Variants in HDLBP observed in about 807,000 individuals in gnomAD.
The protein encoded by HDLBP is vigilin.
HDLBP carries 30 observed loss-of-function variants against 137.3 expected under a neutral mutation model. The ratio of observed to expected loss-of-function variants is 0.22; its 90% confidence interval spans 0.16 to 0.30. The LOEUF (loss-of-function observed/expected upper bound fraction) is 0.30. Among genes scored for constraint, HDLBP ranks in the 10% least tolerant of loss-of-function variants. HDLBP has a pLI of 1.00. For missense variants in HDLBP, 1,119 were observed against 1,667.3 expected (o/e 0.67, Z 5.73); for synonymous variants, 606 against 596.0 (o/e 1.02, Z -0.24).
At chr2:241,287,293 T>C (rs2074851083) in intron 1 of HDLBP, among the ~76,000 whole-genome samples, 1 of 152,096 alleles carries the variant, frequency 6.6e-6, no homozygotes. Flanking sequence ...GTATTCTTAG[T>C]AGACACAGGG....
At position 241,268,516 on chromosome 2, in the gene HDLBP, C is replaced by T. The variant is rs1263961478; in HGVS notation, c.-77G>A. The stretch of plus-strand genomic sequence containing the variant: ...GTAGCCAGAAGGTCCGTCCTGAGGC[C>T]GCCTCTGTCAGCCTGCCAGCTTTTG... On this transcript the variant is annotated 5_prime_UTR_variant, in exon 2 of 28. Transcript: ENST00000310931. 14 of 985,618 alleles carry T rather than the reference C, an allele frequency of 1.4e-5. No homozygotes were observed. The highest frequency in any genetic ancestry group is 4.7e-5 in the South Asian group (1 of 21,288). 61.1% of individuals were successfully genotyped at this position (985,618 alleles called of 1,614,324 possible).
chr2:241,259,093 G>C (rs1559514341), intron 5 of HDLBP, among the ~76,000 whole-genome samples: 1 of 152,008 alleles, frequency 6.6e-6, no homozygotes, highest in Non-Finnish European at 1.5e-5. Flanking sequence ...GGAAAGCCTG[G>C]GTAAATTACA....
At chr2:241,284,861 ATT>A (rs1482867922) in intron 1 of HDLBP, among the ~76,000 whole-genome samples, 18 of 152,186 alleles carry the variant, frequency 1.2e-4, no homozygotes, top group Admixed American at 5.2e-4. Context: ...GATCATGAGC[ATT>A]TTTTAACCAA....
Position 241,272,334 on chromosome 2 carries a change from A to AGGGCC in HDLBP, c.-102-3798_-102-3794dup. ...CGCCCCCGCCGGAGCGGGGGAGGGGAGGGCCGGCCCCGCCAACGTCAGCGA... is the reference window on the plus strand; with the variant it reads ...CGCCCCCGCCGGAGCGGGGGAGGGGAGGGCCGGGCCGGCCCCGCCAACGTCAGCGA... On this transcript the variant is annotated intron_variant, in intron 1 of 27. Coordinates refer to ENST00000310931, the MANE Select transcript of HDLBP (RefSeq NM_005336.6). This position sits in a 1 kb window ranked among gnomAD's most constrained non-coding sequence, Gnocchi z 5.6. 1.0e-6 allele frequency: 1 copy of AGGGCC among 980,110 alleles called. No homozygotes were observed. Among genetic ancestry groups the AGGGCC allele is most frequent in the Non-Finnish European group, 1.2e-6 (1 of 827,672 alleles). 60.7% of individuals were successfully genotyped at this position (980,110 alleles called of 1,614,324 possible).
chr2:241,312,220 TAAC>T (rs575013825), intron 1 of HDLBP, among the ~76,000 whole-genome samples: 33 of 152,296 alleles, frequency 2.2e-4, no homozygotes, highest in African/African-American at 6.5e-4. Flanking sequence ...CTTACCAAAT[TAAC>T]AACAAGTATC....
At position 241,233,832 on chromosome 2, in the gene HDLBP, G is replaced by C. The variant is rs2230359; in HGVS notation, c.3276C>G (p.Asp1092Glu). The C allele has an allele frequency of 6.2e-7, 1 of 1,614,048 alleles. No homozygotes were observed. The highest frequency in any genetic ancestry group is 8.5e-7 in the Non-Finnish European group (1 of 1,180,032). ...CCGAGGCTCTCACCTGGTTCCCATC[G>C]TCCTTATCAGGAAACTGGATGTTCA... ...HDVNIQFPDK[D>E]DGNQPQDQIT... Residue 1092 changes from aspartate (D) to glutamate (E), a missense_variant, in exon 24 of 28, where the codon GAC (aspartate) becomes GAG (glutamate). This residue lies in a region of HDLBP where 618 missense variants were observed against 816.7 expected (regional missense o/e 0.76). Coordinates refer to ENST00000310931, the MANE Select transcript of HDLBP (RefSeq NM_005336.6). This position sits in a 1 kb window ranked among gnomAD's most constrained non-coding sequence, Gnocchi z 4.3.
At chr2:241,260,795 G>A (rs911333260) in intron 5 of HDLBP, among the ~76,000 whole-genome samples, 1 of 151,950 alleles carries the variant, frequency 6.6e-6, no homozygotes, top group Admixed American at 6.6e-5. Context: ...GCTGACTGTG[G>A]AAGTAACCAA....
At chr2:241,306,005 C>T (rs893076849) in intron 1 of HDLBP, among the ~76,000 whole-genome samples, 6 of 152,034 alleles carry the variant, frequency 3.9e-5, no homozygotes, top group Admixed American at 1.3e-4. Flanking sequence ...CGTGATCCAC[C>T]CACCTCAGCC....
At chr2:241,309,257 C>T (rs1193746940) in intron 1 of HDLBP, among the ~76,000 whole-genome samples, 2 of 152,116 alleles carry the variant, frequency 1.3e-5, no homozygotes, top group Non-Finnish European at 2.9e-5. Context: ...TGCCTGACAC[C>T]GCTTACCAAA....
intron 1 of HDLBP, among the ~76,000 whole-genome samples, chr2:241,301,187 T>C (rs994061289): frequency 2.7e-5 from 4 of 150,000 alleles, no homozygotes; most frequent in African/African-American, 7.4e-5. Context: ...CGGGGCTTCA[T>C]CGTGTTAGCC....
intron 1 of HDLBP, among the ~76,000 whole-genome samples, chr2:241,288,079 G>C (rs1329628675): frequency 1.3e-5 from 2 of 152,166 alleles, no homozygotes; most frequent in Non-Finnish European, 2.9e-5. Flanking sequence ...TATTATATGA[G>C]GCTCTTTACT....
chr2:241,234,268 GC>G (rs962970474), intron 23 of HDLBP, among the ~76,000 whole-genome samples: 3 of 152,162 alleles, frequency 2.0e-5, no homozygotes, highest in African/African-American at 4.8e-5. Flanking sequence ...CGAGCTTGGG[GC>G]CCCGCTCTCC....
chr2:241,229,578 G>A lies in HDLBP; in HGVS notation c.*23C>T. 6.3e-7 allele frequency: 1 copy of A among 1,578,228 alleles called. No homozygotes were observed. The highest frequency in any genetic ancestry group is 8.7e-7 in the Non-Finnish European group (1 of 1,148,270). On this transcript the variant is annotated 3_prime_UTR_variant, in exon 28 of 28. Transcript: ENST00000310931. Reference sequence around the variant, plus strand: ...GTTGGGTTTGGGTCAGCAGGCTGGAGAGGGTTCTGTTCTTTTTGATCATTA... The same window carrying A: ...GTTGGGTTTGGGTCAGCAGGCTGGAAAGGGTTCTGTTCTTTTTGATCATTA...
intron 1 of HDLBP, among the ~76,000 whole-genome samples, chr2:241,287,420 CTTTTTTTT>C (rs57462994): frequency 7.4e-5 from 10 of 135,372 alleles, no homozygotes; most frequent in African/African-American, 2.5e-4. Context: ...TTCTTTCTTT[CTTTTTTTT>C]TTTTTTTTCT....
intron 16 of HDLBP, among the ~76,000 whole-genome samples, chr2:241,244,259 G>A (rs1470602388): frequency 2.0e-5 from 3 of 152,096 alleles, no homozygotes; most frequent in South Asian, 2.1e-4. Flanking sequence ...AGTCCCTGAC[G>A]GGGAGACAGC....
intron 1 of HDLBP, chr2:241,302,513 A>C (rs565631924): frequency 6.6e-6 from 1 of 152,408 alleles, no homozygotes; most frequent in African/African-American, 2.4e-5. Context: ...ACTGCACTCC[A>C]GCCTGGGCGA....
At position 241,272,439 on chromosome 2, in the gene HDLBP, G is replaced by A. The variant is rs1339802404; in HGVS notation, c.-102-3898C>T. The A allele has an allele frequency of 1.0e-6, 1 of 984,464 alleles. No homozygotes were observed. The highest frequency in any genetic ancestry group is 1.2e-6 in the Non-Finnish European group (1 of 829,654). 61.0% of individuals were successfully genotyped at this position (984,464 alleles called of 1,614,324 possible). A position where few individuals can be genotyped will look rare whatever the true frequency, so the allele number is the denominator to read the frequency against. Reference sequence around the variant, plus strand: ...CCCCACCGAAGCCCCGGGAGGAGGCGGGGGAGCCCAGCTTGCAGCCAAGAG... The same window carrying A: ...CCCCACCGAAGCCCCGGGAGGAGGCAGGGGAGCCCAGCTTGCAGCCAAGAG... On this transcript the variant is annotated intron_variant, in intron 1 of 27. Transcript: ENST00000310931. The surrounding 1 kb of genome is among the most constrained non-coding windows in gnomAD (Gnocchi z 5.6).
At position 241,272,571 on chromosome 2, in the gene HDLBP, C is replaced by T; in HGVS notation, c.-102-4030G>A. On this transcript the variant is annotated intron_variant, in intron 1 of 27. Transcript: ENST00000310931. The surrounding 1 kb of genome is among the most constrained non-coding windows in gnomAD (Gnocchi z 5.6). The stretch of plus-strand genomic sequence containing the variant: ...CGGCCCCAGGTCTGGCCCGGAACCG[C>T]CACGCGCGGTAAGCAGGACACCCGC... 1 of 984,454 alleles carries T rather than the reference C, an allele frequency of 1.0e-6. No individual in the cohort carries two copies. Among genetic ancestry groups the T allele is most frequent in the Non-Finnish European group, 1.2e-6 (1 of 829,558 alleles). The allele number at this position is 984,454 out of a possible 1,614,324, so 61.0% of individuals were successfully genotyped here. A position where few individuals can be genotyped will look rare whatever the true frequency, so the allele number is the denominator to read the frequency against.
At chr2:241,287,334 CT>C (rs1357070786) in intron 1 of HDLBP, among the ~76,000 whole-genome samples, 1 of 151,882 alleles carries the variant, frequency 6.6e-6, no homozygotes, top group Non-Finnish European at 1.5e-5. Flanking sequence ...TGGTCTCAAA[CT>C]TCTGACACCG....
Sources: allele counts gnomAD v4.1 joint callset (sites outside exome capture counted in the v4.1 genomes callset), GRCh38; gene constraint gnomAD v4.1.1; regional missense constraint gnomAD v4.1.1; non-coding constraint Gnocchi (gnomAD v3.1); transcripts MANE v1.5; gene names NCBI Gene and HGNC (gene_info 2026-07-23, HGNC 2026-07-21).